The following GNG2 variants were observed in gnomAD, a reference collection of about 807,000 sequenced individuals.
The protein encoded by GNG2 is guanine nucleotide-binding protein G(I)/G(S)/G(O) subunit gamma-2.
In GNG2, 5 loss-of-function variants were observed where a neutral mutation model predicts 5.5. That is an observed-to-expected ratio of 0.91 (90% CI 0.48 to 1.92). The LOEUF (loss-of-function observed/expected upper bound fraction) is 1.92. Ranked by LOEUF, GNG2 falls within the 30% of genes most tolerant of loss-of-function variation. GNG2 has a pLI of 0.01. For synonymous variants in GNG2, 28 were observed against 32.0 expected, an observed-to-expected ratio of 0.88 and a Z score of 0.42; for missense variants, 55 against 88.4, an observed-to-expected ratio of 0.62 and a Z score of 1.52.
rs1889995609 is a variant in GNG2, at chr14:51,967,538, G to T, written c.*851G>T. ...CTGGGAAAGGAAATGAGAGGGAAAA[G>T]ACCCCGGAGAGGGAAGAAAATCTCA... On this transcript the variant is annotated 3_prime_UTR_variant, in exon 4 of 4. Transcript: ENST00000556766. The T allele has an allele frequency of 6.6e-6, 1 of 152,132 alleles. No homozygotes were observed. Among genetic ancestry groups the T allele is most frequent in the Non-Finnish European group, 1.5e-5 (1 of 68,022 alleles). The allele number at this position is 152,132 out of a possible 1,614,324, so 9.4% of individuals were successfully genotyped here. A position where few individuals can be genotyped will look rare whatever the true frequency, so the allele number is the denominator to read the frequency against.
chr14:51,845,403 A>G (rs1881595810), intron 2 of GNG2, among the ~76,000 whole-genome samples: 1 of 152,180 alleles, frequency 6.6e-6, no homozygotes, highest in Non-Finnish European at 1.5e-5. Context: ...CTGAGGTGGG[A>G]GGATTGACTG....
At chr14:51,848,941 A>C (rs1160424794) in intron 2 of GNG2, among the ~76,000 whole-genome samples, 1 of 152,230 alleles carries the variant, frequency 6.6e-6, no homozygotes, top group African/African-American at 2.4e-5. Context: ...GGAGTAATGA[A>C]GTACTGGGTA....
chr14:51,843,834 G>T (rs1881551458), intron 2 of GNG2, among the ~76,000 whole-genome samples: 1 of 152,056 alleles, frequency 6.6e-6, no homozygotes, highest in Non-Finnish European at 1.5e-5. Context: ...CTGGCCTTTT[G>T]GTCCCACTAT....
intron 1 of GNG2, among the ~76,000 whole-genome samples, chr14:51,868,623 C>T (rs1883090856): frequency 6.6e-6 from 1 of 152,114 alleles, no homozygotes; most frequent in Non-Finnish European, 1.5e-5. Context: ...GCGAAGGGGG[C>T]TTGTGGAGAA....
intron 2 of GNG2, among the ~76,000 whole-genome samples, chr14:51,904,122 C>A (rs1235547273): frequency 6.6e-6 from 1 of 152,172 alleles, no homozygotes; most frequent in Non-Finnish European, 1.5e-5. Context: ...AGGTACCTCG[C>A]CTGCCTCTAT....
intron 2 of GNG2, among the ~76,000 whole-genome samples, chr14:51,852,727 A>G (rs1215847804): frequency 1.3e-5 from 2 of 152,252 alleles, no homozygotes; most frequent in African/African-American, 4.8e-5. Context: ...TACAAGTAAT[A>G]CTTAAAGAAT....
At chr14:51,861,555 T>TA (rs1210985838) in intron 1 of GNG2, among the ~76,000 whole-genome samples, 1 of 152,146 alleles carries the variant, frequency 6.6e-6, no homozygotes, top group Non-Finnish European at 1.5e-5. Flanking sequence ...AGGGACAAAA[T>TA]AAAAAAGTGC....
rs1238392912 is a variant in GNG2, at chr14:51,969,066, C to T, written c.*2379C>T. ...TACTTATTCAGGGGAAAAAGTCTTT[C>T]GATTACTTATGCCTCTATAGAGCTT... is the stretch of plus-strand genomic sequence containing the variant. On this transcript the variant is annotated 3_prime_UTR_variant, in exon 4 of 4. Transcript: ENST00000556766. 1.3e-5 allele frequency: 2 copies of T among 152,086 alleles called. No individual in the cohort carries two copies. The highest frequency in any genetic ancestry group is 1.5e-5 in the Non-Finnish European group (1 of 67,994). The allele number at this position is 152,086 out of a possible 1,614,324, so 9.4% of individuals were successfully genotyped here.
At chr14:51,900,282 C>G (rs1885464245) in intron 2 of GNG2, among the ~76,000 whole-genome samples, 1 of 151,970 alleles carries the variant, frequency 6.6e-6, no homozygotes, top group African/African-American at 2.4e-5. Context: ...TTTTTATATA[C>G]TTATTGAAAA....
At chr14:51,938,883 G>A (rs2140260644) in intron 2 of GNG2, among the ~76,000 whole-genome samples, 1 of 152,268 alleles carries the variant, frequency 6.6e-6, no homozygotes, top group East Asian at 1.9e-4. Flanking sequence ...GAGACACTGA[G>A]GATTTAGGAT....
intron 2 of GNG2, among the ~76,000 whole-genome samples, chr14:51,884,493 C>G (rs1378766534): frequency 2.0e-5 from 3 of 152,250 alleles, no homozygotes; most frequent in Admixed American, 2.0e-4. Context: ...AAGTAATGTG[C>G]TTAGGGTCAC....
intron 2 of GNG2, among the ~76,000 whole-genome samples, chr14:51,918,377 T>G (rs1886784119): frequency 6.6e-6 from 1 of 152,180 alleles, no homozygotes; most frequent in Non-Finnish European, 1.5e-5. Flanking sequence ...AAGTCAACTT[T>G]TACCTCCTTC....
chr14:51,886,545 A>C (rs912317641), intron 2 of GNG2, among the ~76,000 whole-genome samples: 1 of 152,216 alleles, frequency 6.6e-6, no homozygotes, highest in Non-Finnish European at 1.5e-5. Flanking sequence ...GTACTTAGTA[A>C]AAAGAATATT....
At chr14:51,846,064 G>A (rs1054215827) in intron 2 of GNG2, among the ~76,000 whole-genome samples, 23 of 152,116 alleles carry the variant, frequency 1.5e-4, no homozygotes, top group Admixed American at 1.4e-3. Context: ...AAAATTAACA[G>A]TAAAGCACCA....
intron 2 of GNG2, among the ~76,000 whole-genome samples, chr14:51,950,401 T>C (rs75008481): frequency 0.033 from 4,971 of 152,230 alleles, 191 homozygotes; most frequent in East Asian, 0.14. Flanking sequence ...GAACATTTGG[T>C]AATATTCTTT....
intron 2 of GNG2, among the ~76,000 whole-genome samples, chr14:51,834,747 T>C (rs753825285): frequency 6.6e-6 from 1 of 152,232 alleles, no homozygotes; most frequent in Non-Finnish European, 1.5e-5. Flanking sequence ...AGCGCTATAA[T>C]GCATGCAAAG....
intron 2 of GNG2, among the ~76,000 whole-genome samples, chr14:51,925,260 AATAAT>A (rs1180865079): frequency 6.6e-6 from 1 of 152,250 alleles, no homozygotes; most frequent in African/African-American, 2.4e-5. Flanking sequence ...TCATGTAATT[AATAAT>A]ATAACACATA....
intron 2 of GNG2, among the ~76,000 whole-genome samples, chr14:51,945,898 G>GT (rs1555357298): frequency 6.6e-6 from 1 of 151,310 alleles, no homozygotes; most frequent in African/African-American, 2.4e-5. Flanking sequence ...CTCACGTTGC[G>GT]TTGTTTGTTT....
At chr14:51,856,701 G>A (rs1882179002), upstream of GNG2, among the ~76,000 whole-genome samples, 1 of 152,232 alleles carries the variant, frequency 6.6e-6, no homozygotes, top group African/African-American at 2.4e-5. Flanking sequence ...AAATTGCTGG[G>A]ATTACAGGCA....
Sources: allele counts gnomAD v4.1 joint callset (sites outside exome capture counted in the v4.1 genomes callset), GRCh38; gene constraint gnomAD v4.1.1; transcripts MANE v1.5; gene names NCBI Gene and HGNC (gene_info 2026-07-23, HGNC 2026-07-21).